CCDC178: variants seen among roughly 807,000 people sequenced by gnomAD.
CCDC178 encodes the protein coiled-coil domain containing 178.
Under a neutral mutation model 117.4 loss-of-function variants are expected in CCDC178, and 126 were observed. The ratio of observed to expected loss-of-function variants is 1.07; its 90% confidence interval spans 0.93 to 1.24. The LOEUF is 1.24. Among genes scored for constraint, CCDC178 ranks in the 50% most tolerant of loss-of-function variants. CCDC178 has a pLI of 0.00. For missense variants in CCDC178, 1,030 were observed against 986.9 expected, an observed-to-expected ratio of 1.04 and a Z score of -0.59; for synonymous variants, 283 against 313.4, an observed-to-expected ratio of 0.90 and a Z score of 1.02.
intron 2 of CCDC178, among the ~76,000 whole-genome samples, chr18:33,435,567 C>T (rs1464284856): frequency 6.6e-6 from 1 of 150,684 alleles, no homozygotes; most frequent in African/African-American, 2.4e-5. Context: ...CAGACAGTAA[C>T]ACTACAGAGA....
chr18:33,212,189 C>T lies in CCDC178; in HGVS notation c.2079-134G>A, dbSNP rs1015600813. 14 of 592,386 alleles carry T rather than the reference C, an allele frequency of 2.4e-5. No individual in the cohort carries two copies. In the Admixed American group the frequency reaches 3.6e-4, roughly 15 times the overall value. 36.7% of individuals were successfully genotyped at this position (592,386 alleles called of 1,614,324 possible). On this transcript the variant is annotated intron_variant, in intron 19 of 22. Transcript: ENST00000383096. ...GAACTGACAGGCCTTGGAAAAATTC[C>T]CTGGTTTTTCTCAAGGTCTACTTCC...
intron 5 of CCDC178, among the ~76,000 whole-genome samples, chr18:33,388,459 A>C (rs1168602389): frequency 6.6e-6 from 1 of 151,674 alleles, no homozygotes; most frequent in Non-Finnish European, 1.5e-5. Context: ...CATGGAATCA[A>C]CCCAAATGCC....
intron 20 of CCDC178, among the ~76,000 whole-genome samples, chr18:33,183,183 G>C (rs1415659662): frequency 6.6e-6 from 1 of 151,948 alleles, no homozygotes; most frequent in Non-Finnish European, 1.5e-5. Context: ...ACAGAGAACA[G>C]AAAAAGGAAA....
intron 6 of CCDC178, among the ~76,000 whole-genome samples, chr18:33,356,857 A>T (rs2063064753): frequency 6.6e-6 from 1 of 152,078 alleles, no homozygotes; most frequent in African/African-American, 2.4e-5. Flanking sequence ...CTTGTGGCAG[A>T]AGTTTGCATT....
intron 6 of CCDC178, among the ~76,000 whole-genome samples, chr18:33,358,640 T>A (rs1227859959): frequency 6.6e-6 from 1 of 151,884 alleles, no homozygotes; most frequent in African/African-American, 2.4e-5. Flanking sequence ...CAATTTCACA[T>A]TATTGAGCAA....
intron 14 of CCDC178, among the ~76,000 whole-genome samples, chr18:33,261,184 C>T (rs1283618274): frequency 2.6e-5 from 4 of 152,056 alleles, no homozygotes; most frequent in East Asian, 3.9e-4. Flanking sequence ...CCTGGGTTCA[C>T]GCCATTCTCC....
At position 33,215,689 on chromosome 18, in the gene CCDC178, G is replaced by A. The variant is rs150710440; in HGVS notation, c.1939C>T (p.Arg647Cys). The change falls in exon 19 of 23, where the codon CGC becomes TGC. Residue 647 changes from arginine (R) to cysteine (C), a missense_variant. Arg to Cys is a radical substitution (Grantham distance 180). Coordinates refer to ENST00000383096, the MANE Select transcript of CCDC178 (RefSeq NM_001105528.4). Reference protein sequence around the residue: ...LDALIETESKRSAIFKDLEAT... With the variant: ...LDALIETESKCSAIFKDLEAT... ...TCTAGGTCTTTAAAAATTGCTGAGC[G>A]TTTACTCTGAAAAAAAATATACACA... is the stretch of plus-strand genomic sequence containing the variant. 96 of 1,511,674 alleles carry A rather than the reference G, an allele frequency of 6.4e-5. 1 individual carries two copies. The highest frequency in any genetic ancestry group is 2.8e-4 in the South Asian group (21 of 75,770). The allele number at this position is 1,511,674 out of a possible 1,614,324, so 93.6% of individuals were successfully genotyped here.
At chr18:33,382,614 GA>G (rs1433103241) in intron 5 of CCDC178, among the ~76,000 whole-genome samples, 1 of 152,140 alleles carries the variant, frequency 6.6e-6, no homozygotes, top group Non-Finnish European at 1.5e-5. Flanking sequence ...CATGCCAAAG[GA>G]AGTGGTGAGG....
chr18:33,098,914 A>T (rs1220803156), intron 20 of CCDC178, among the ~76,000 whole-genome samples: 1 of 151,992 alleles, frequency 6.6e-6, no homozygotes, highest in Non-Finnish European at 1.5e-5. Context: ...TATTCCAGTT[A>T]CAGTGGAATT....
At chr18:33,130,769 A>G (rs763015911) in intron 20 of CCDC178, among the ~76,000 whole-genome samples, 2 of 151,968 alleles carry the variant, frequency 1.3e-5, no homozygotes, top group Non-Finnish European at 2.9e-5. Flanking sequence ...ATCAAGCTTA[A>G]CAGGCTATCA....
chr18:32,968,014 C>A (rs1033876720), intron 22 of CCDC178, among the ~76,000 whole-genome samples: 1 of 151,310 alleles, frequency 6.6e-6, no homozygotes, highest in Non-Finnish European at 1.5e-5. Context: ...CACTCAAAAA[C>A]CCCTCTTTTA....
intron 20 of CCDC178, among the ~76,000 whole-genome samples, chr18:33,155,677 G>A (rs1245204453): frequency 3.3e-5 from 5 of 151,926 alleles, no homozygotes; most frequent in South Asian, 2.1e-4. Flanking sequence ...ACACTTCTTC[G>A]GACCTACTTG....
chr18:33,261,096 TTTG>T (rs1568096870), intron 14 of CCDC178, among the ~76,000 whole-genome samples: 69 of 151,618 alleles, frequency 4.6e-4, no homozygotes, highest in African/African-American at 1.6e-3. Context: ...TGTTTGTTTG[TTTG>T]TTGAGACACA....
intron 21 of CCDC178, among the ~76,000 whole-genome samples, chr18:33,001,244 G>T (rs915083763): frequency 1.4e-4 from 21 of 152,256 alleles, no homozygotes; most frequent in Middle Eastern, 6.8e-3. Flanking sequence ...CAGAGGCCAG[G>T]CGCAGTGGCT....
At chr18:33,138,137 T>C (rs2058152191) in intron 20 of CCDC178, among the ~76,000 whole-genome samples, 1 of 152,208 alleles carries the variant, frequency 6.6e-6, no homozygotes, top group South Asian at 2.1e-4. Context: ...ACATTATTGG[T>C]AAATGTGAAG....
At chr18:33,092,734 C>G (rs758634629) in intron 21 of CCDC178, 27 bp downstream of exon 21, 1 of 1,505,672 alleles carries the variant, frequency 6.6e-7, no homozygotes, top group South Asian at 1.2e-5. Context: ...TAAATCATCA[C>G]CTTAAAACAA....
intron 12 of CCDC178, among the ~76,000 whole-genome samples, chr18:33,281,720 C>T (rs532122968): frequency 6.6e-6 from 1 of 152,296 alleles, no homozygotes; most frequent in Non-Finnish European, 1.5e-5. Context: ...ATTATTTAAG[C>T]TTTGGCAGAA....
At chr18:33,229,225 T>C (rs1035836566) in intron 15 of CCDC178, among the ~76,000 whole-genome samples, 3 of 152,276 alleles carry the variant, frequency 2.0e-5, no homozygotes, top group African/African-American at 4.8e-5. Flanking sequence ...TGAGCAATAA[T>C]GGACCATCAG....
At chr18:33,076,710 G>A (rs1007373412) in intron 21 of CCDC178, among the ~76,000 whole-genome samples, 3 of 152,188 alleles carry the variant, frequency 2.0e-5, no homozygotes, top group Admixed American at 6.5e-5. Flanking sequence ...GGAGGCGGTA[G>A]TGCATCTAAC....
Sources: gnomAD v4.1 joint callset for allele counts (sites outside exome capture counted in the v4.1 genomes callset) on GRCh38, gnomAD v4.1.1 for gene constraint, MANE v1.5 for transcripts, NCBI Gene and HGNC (gene_info 2026-07-23, HGNC 2026-07-21) for gene names.